MTA2: variants seen among roughly 807,000 people sequenced by gnomAD.
The protein encoded by MTA2 is metastasis-associated protein MTA2.
A neutral mutation model predicts 87.1 loss-of-function variants in MTA2; 22 were observed. The ratio of observed to expected loss-of-function variants is 0.25; its 90% CI spans 0.18 to 0.36. The LOEUF (loss-of-function observed/expected upper bound fraction) is 0.36, where lower values mean the gene tolerates loss of function less well. Ranked by LOEUF, MTA2 falls within the 10% of genes least tolerant of loss-of-function variation. The pLI is 1.00. For synonymous variants in MTA2, 314 were observed against 310.1 expected, an observed-to-expected ratio of 1.01 and a Z score of -0.13; for missense variants, 542 against 853.2, an observed-to-expected ratio of 0.64 and a Z score of 4.54.
In MTA2 at chr11:62,597,698, G is replaced by A. The variant is rs1016484879; in HGVS notation, c.505C>T (p.Arg169Trp). 6.8e-6 allele frequency: 11 copies of A among 1,613,870 alleles called. No homozygotes were observed. The highest frequency in any genetic ancestry group is 1.6e-4 in the Middle Eastern group (1 of 6,084). The change falls in exon 7 of 18, where the codon CGG (arginine) becomes TGG (tryptophan). Residue 169 changes from arginine to tryptophan, a missense_variant. By Grantham distance (101) the Arg-to-Trp change is moderately radical. Coordinates refer to ENST00000278823, the MANE Select transcript of MTA2 (RefSeq NM_004739.4). The part of the protein sequence containing the change: ...DRLVEGESDN[R>W]NQQKMEMKVW... ...TTCATCTCCATCTTCTGCTGGTTCC[G>A]ATTATCAGATTCTCCTGGGGAAAAG... is the stretch of plus-strand genomic sequence containing the variant.
intron 2 of MTA2, 30 bp from the exon 3 acceptor site, chr11:62,600,289 C>T: frequency 6.3e-7 from 1 of 1,586,814 alleles, no homozygotes; most frequent in South Asian, 1.1e-5. Context: ...AAAAACAAAA[C>T]AACGTAGCAG....
At chr11:62,600,763 G>C in intron 1 of MTA2, 74 bp from the exon 2 acceptor site, 5 of 1,406,180 alleles carry the variant, frequency 3.6e-6, no homozygotes, top group East Asian at 2.3e-5. Flanking sequence ...GGGTAGGAGA[G>C]AAAGTTGGCC....
rs371197494 is a variant in MTA2, at chr11:62,594,002, C to T, written c.1880G>A (p.Arg627Gln). 5.6e-6 allele frequency: 9 copies of T among 1,612,346 alleles called. No homozygotes were observed. The African/African-American group carries it at 6.7e-5, about 12-fold the overall frequency. Residue 627 changes from arginine (R) to glutamine (Q), a missense_variant, in exon 18 of 18, where the codon CGA (arginine) becomes CAA (glutamine). Transcript: ENST00000278823. ...RKALTHLEMR[R>Q]AARRPNLPLK... is the part of the protein sequence containing the mutation. ...GGGCAAGTTGGGTCGGCGAGCAGCT[C>T]GCCGCATTTCCAGATGGGTCAGAGC...
intron 6 of MTA2, 69 bp from the exon 7 acceptor site, chr11:62,597,781 A>C: frequency 8.1e-7 from 1 of 1,238,732 alleles, no homozygotes; most frequent in Non-Finnish European, 1.2e-6. Flanking sequence ...TTTCATTCAC[A>C]ATAGCACCTC....
chr11:62,598,346 C>A lies in MTA2; in HGVS notation c.353G>T (p.Ser118Ile), dbSNP rs770825009. Residue 118 changes from serine to isoleucine, a missense_variant, in exon 5 of 18, where the codon AGC becomes ATC. By Grantham distance (142) the Ser-to-Ile change is moderately radical. This residue lies in a region of MTA2 where 150 missense variants were observed against 243.9 expected (regional missense o/e 0.62). Transcript: ENST00000278823. The stretch of plus-strand genomic sequence containing the variant: ...TCTCACCTCCTTTTCCAGGTACTGG[C>A]TCAAGATATCTGTCTCATTCAAGAG... Reference protein sequence around the residue: ...VTLLNETDILSQYLEKEDCFF... With the variant: ...VTLLNETDILIQYLEKEDCFF... The A allele has an allele frequency of 6.2e-7, 1 of 1,614,112 alleles. No homozygotes were observed. The highest frequency in any genetic ancestry group is 8.5e-7 in the Non-Finnish European group (1 of 1,180,032).
chr11:62,597,639 C>G lies in MTA2; in HGVS notation c.564G>C (p.Arg188=). Residue 188 remains arginine, a synonymous_variant, in exon 7 of 18, where the codon CGG becomes CGC. Transcript: ENST00000278823. The part of the protein sequence containing the change: ...VWDPDNPLTD[R]QIDQFLVVAR... ...CCACCACAAGAAACTGGTCGATCTG[C>G]CGGTCTGTGAGAGGGTTGTCTGGGT... 6.2e-7 allele frequency: 1 copy of G among 1,614,202 alleles called. No homozygotes were observed. Among genetic ancestry groups the G allele is most frequent in the Non-Finnish European group, 8.5e-7 (1 of 1,180,038 alleles).
Position 62,596,011 on chromosome 11 carries a change from G to A in MTA2, c.1113C>T (p.His371=). Residue 371 remains histidine (H), a splice_region_variant and synonymous_variant, in exon 12 of 18, where the codon CAC becomes CAT. Coordinates refer to ENST00000278823, the MANE Select transcript of MTA2 (RefSeq NM_004739.4). ...FQKGLTCESC[H]TTQSAQWYAW... ...CATCCCAGTGCCCCCGTAACTCACT[G>A]TGGCAACTCTCACAAGTCAGGCCCT... 1 of 1,614,160 alleles carries A rather than the reference G, an allele frequency of 6.2e-7. No individual in the cohort carries two copies. Among genetic ancestry groups the A allele is most frequent in the East Asian group, 2.2e-5 (1 of 44,880 alleles).
chr11:62,598,499 T>C (rs761165620), intron 4 of MTA2, 23 bp downstream of exon 4: 1 of 1,611,864 alleles, frequency 6.2e-7, no homozygotes, highest in African/African-American at 1.3e-5. Context: ...ACGCAGGCTA[T>C]GCTGGCCCCA....
At position 62,594,599 on chromosome 11, in the gene MTA2, C is replaced by G; in HGVS notation, c.1609G>C (p.Gly537Arg). The G allele has an allele frequency of 1.2e-6, 2 of 1,614,090 alleles. No individual in the cohort carries two copies. The highest frequency in any genetic ancestry group is 1.7e-6 in the Non-Finnish European group (2 of 1,180,012). ...QAPLKPKTPRGTKTPINRNQL... is the reference protein window; with the variant it reads ...QAPLKPKTPRRTKTPINRNQL... The stretch of plus-strand genomic sequence containing the variant: ...TTTCTGTTGATCGGTGTCTTGGTAC[C>G]CCGAGGTGTTTTTGGTTTCAGGGGT... Residue 537 changes from glycine (G) to arginine (R), a missense_variant, in exon 16 of 18, where the codon GGT (glycine) becomes CGT (arginine). By Grantham distance (125) the Gly-to-Arg change is moderately radical. Around this residue, in one of 6 missense-constraint regions of MTA2, gnomAD observed 269 missense variants for 346.4 expected, o/e 0.78. Transcript: ENST00000278823.
Position 62,596,479 on chromosome 11 carries a change from G to T in MTA2, c.936C>A (p.Thr312=). 6.2e-7 allele frequency: 1 copy of T among 1,614,116 alleles called. No individual in the cohort carries two copies. The highest frequency in any genetic ancestry group is 8.5e-7 in the Non-Finnish European group (1 of 1,180,006). The change falls in exon 10 of 18, where the codon ACC becomes ACA. Residue 312 remains threonine, a synonymous_variant. Coordinates refer to ENST00000278823, the MANE Select transcript of MTA2 (RefSeq NM_004739.4). ...SIVQFYYMWK[T]TDRYIQQKRL... is the part of the protein sequence containing the mutation. The stretch of plus-strand genomic sequence containing the variant: ...ATACCTGCTGAATATACCGGTCTGT[G>T]GTTTTCCACATGTAATAAAACTGGA...
intron 2 of MTA2, 23 bp downstream of exon 2, chr11:62,600,599 G>A (rs750480462): frequency 8.7e-6 from 14 of 1,607,874 alleles, no homozygotes; most frequent in Non-Finnish European, 1.1e-5. Flanking sequence ...GGGAGGGAGG[G>A]AGAGGGATTC....
chr11:62,597,308 C>G lies in MTA2; in HGVS notation c.693+8G>C, dbSNP rs763849758. 1.4e-5 allele frequency: 23 copies of G among 1,589,948 alleles called. No homozygotes were observed. In the East Asian group the frequency reaches 4.9e-4, roughly 34 times the overall value. On this transcript the variant is annotated splice_region_variant and intron_variant, in intron 8 of 17. Coordinates refer to ENST00000278823, the MANE Select transcript of MTA2 (RefSeq NM_004739.4). ...AGCCTGCCCAACTACCCACCAACTTCTGCTCACCAGAGTGATATCTCGGGA... is the reference window on the plus strand; with the variant it reads ...AGCCTGCCCAACTACCCACCAACTTGTGCTCACCAGAGTGATATCTCGGGA...
At position 62,601,819 on chromosome 11, in the gene MTA2, G is replaced by A; in HGVS notation, c.-369C>T. ...GCTTGCCGGGCCCGCCTCAGGGTTCGCCTCCTTCCGGAACACCTTCGGCCG... is the reference window on the plus strand; with the variant it reads ...GCTTGCCGGGCCCGCCTCAGGGTTCACCTCCTTCCGGAACACCTTCGGCCG... On this transcript the variant is annotated 5_prime_UTR_variant, in exon 1 of 18. Coordinates refer to ENST00000278823, the MANE Select transcript of MTA2 (RefSeq NM_004739.4). The A allele has an allele frequency of 2.0e-6, 1 of 499,366 alleles. No homozygotes were observed. Among genetic ancestry groups the A allele is most frequent in the Non-Finnish European group, 3.5e-6 (1 of 286,876 alleles). The allele number at this position is 499,366 out of a possible 1,614,324, so 30.9% of individuals were successfully genotyped here.
In MTA2 at chr11:62,595,516, G is replaced by A; in HGVS notation, c.1255-24C>T. The A allele has an allele frequency of 6.2e-7, 1 of 1,612,060 alleles. No individual in the cohort carries two copies. The highest frequency in any genetic ancestry group is 2.2e-5 in the East Asian group (1 of 44,858). On this transcript the variant is annotated intron_variant, in intron 13 of 17. Transcript: ENST00000278823. This position sits in a 1 kb window ranked among gnomAD's most constrained non-coding sequence, Gnocchi z 4.9. ...TCCTAGAAGAAGAGCATAGGAAAGA[G>A]AGAGAGCAGAAATCAGCACTGAGGC...
chr11:62,597,930 AC>A, intron 6 of MTA2, 93 bp downstream of exon 6: 1 of 1,201,086 alleles, frequency 8.3e-7, no homozygotes, highest in Non-Finnish European at 1.2e-6. Flanking sequence ...GCACTGCACA[AC>A]CCCAGGTGAC....
Position 62,596,585 on chromosome 11 carries a change from G to A in MTA2, c.882+52C>T, listed in dbSNP as rs573255393. 5 of 1,612,428 alleles carry A rather than the reference G, an allele frequency of 3.1e-6. No individual in the cohort carries two copies. In the East Asian group the frequency reaches 8.9e-5, roughly 29 times the overall value. Reference sequence around the variant, plus strand: ...AGCTGGCATCTGGCCCCAGGTCCTGGTTCCCTCACCTGTCATCTCTCCCAC... The same window carrying A: ...AGCTGGCATCTGGCCCCAGGTCCTGATTCCCTCACCTGTCATCTCTCCCAC... On this transcript the variant is annotated intron_variant, in intron 9 of 17. Coordinates refer to ENST00000278823, the MANE Select transcript of MTA2 (RefSeq NM_004739.4).
At chr11:62,600,092 G>T in intron 3 of MTA2, 74 bp downstream of exon 3, 1 of 1,387,720 alleles carries the variant, frequency 7.2e-7, no homozygotes, top group South Asian at 1.2e-5. Flanking sequence ...ATGCTACCAG[G>T]GGAAATACCT....
chr11:62,597,006 G>A (rs755930582), intron 8 of MTA2, among the ~76,000 whole-genome samples, 181 bp from the exon 9 acceptor site: 17 of 152,026 alleles, frequency 1.1e-4, no homozygotes, highest in Non-Finnish European at 2.1e-4. Context: ...TGGCTAAAAC[G>A]GTGAAACCCC....
Position 62,595,535 on chromosome 11 carries a change from C to T in MTA2, c.1255-43G>A. 1 of 1,598,914 alleles carries T rather than the reference C, an allele frequency of 6.3e-7. No individual in the cohort carries two copies. The highest frequency in any genetic ancestry group is 8.6e-7 in the Non-Finnish European group (1 of 1,168,108). On this transcript the variant is annotated intron_variant, in intron 13 of 17. Coordinates refer to ENST00000278823, the MANE Select transcript of MTA2 (RefSeq NM_004739.4). This position sits in a 1 kb window ranked among gnomAD's most constrained non-coding sequence, Gnocchi z 4.9. ...GAAAGAGAGAGAGCAGAAATCAGCACTGAGGCTCCCTTCTTTCTTCCATTC... is the reference window on the plus strand; with the variant it reads ...GAAAGAGAGAGAGCAGAAATCAGCATTGAGGCTCCCTTCTTTCTTCCATTC...
Sources: gnomAD v4.1 joint callset for allele counts (sites outside exome capture counted in the v4.1 genomes callset) on GRCh38, gnomAD v4.1.1 for gene constraint, gnomAD v4.1.1 regional missense constraint, Gnocchi (gnomAD v3.1) non-coding constraint, MANE v1.5 for transcripts, NCBI Gene and HGNC (gene_info 2026-07-23, HGNC 2026-07-21) for gene names.